GRK1: variants seen among roughly 807,000 people sequenced by gnomAD.
The protein encoded by GRK1 is G protein-coupled receptor kinase 1.
GRK1 carries 28 observed loss-of-function variants against 41.7 expected under a neutral mutation model. That is an observed-to-expected ratio of 0.67 (90% CI 0.50 to 0.92). The LOEUF (loss-of-function observed/expected upper bound fraction) is 0.92, where lower values mean the gene tolerates loss of function less well. Ranked by LOEUF, GRK1 falls within the 40% of genes least tolerant of loss-of-function variation. The probability of loss-of-function intolerance (pLI) is 0.00; values close to 1 mark genes in which losing one functional copy is unlikely to be tolerated. For synonymous variants in GRK1, 327 were observed against 286.7 expected (o/e 1.14, Z -1.42); for missense variants, 703 against 671.2 (o/e 1.05, Z -0.52).
upstream of GRK1, among the ~76,000 whole-genome samples, chr13:113,664,362 AGGATCTCTCTGGAT>A (rs1327380945): frequency 6.6e-6 from 1 of 152,224 alleles, no homozygotes; most frequent in Non-Finnish European, 1.5e-5. The surrounding 1 kb of genome is among the most constrained non-coding windows in gnomAD (Gnocchi z 5.4). Flanking sequence ...AAGGGTACAC[AGGATCTCTCTGGAT>A]TGTTTCTTAA....
Position 113,667,632 on chromosome 13 carries a change from C to A in GRK1, c.246C>A (p.His82Gln), listed in dbSNP as rs368926839. The change falls in exon 1 of 7, where the codon CAC (histidine) becomes CAA (glutamine). Residue 82 changes from histidine (H) to glutamine (Q), a missense_variant. Coordinates refer to ENST00000335678, the MANE Select transcript of GRK1 (RefSeq NM_002929.3). This position sits in a 1 kb window ranked among gnomAD's most constrained non-coding sequence, Gnocchi z 7.5. ...AGTTCCTACAATCGGCAGAGAAGCA[C>A]CTGCCGGCCCTGGAGCTCTGGAAAG... The part of the protein sequence containing the change: ...FQQFLQSAEK[H>Q]LPALELWKDI... 4 of 1,613,564 alleles carry A rather than the reference C, an allele frequency of 2.5e-6. No individual in the cohort carries two copies. The highest frequency in any genetic ancestry group is 3.4e-6 in the Non-Finnish European group (4 of 1,179,898).
the GRK1 span, among the ~76,000 whole-genome samples, chr13:113,657,871 G>C: frequency 2.0e-5 from 3 of 152,208 alleles, no homozygotes; most frequent in East Asian, 5.8e-4. Flanking sequence ...CTTTCCCTGG[G>C]AGGCAAGTGA....
At chr13:113,649,637 G>A in the GRK1 span, 10 of 1,342,612 alleles carry the variant, frequency 7.4e-6, no homozygotes, top group African/African-American at 1.5e-5. The surrounding 1 kb of genome is among the most constrained non-coding windows in gnomAD (Gnocchi z 4.7). Flanking sequence ...GTGCAGAGAA[G>A]CAGCTCTTTT....
intron 6 of GRK1, 66 bp downstream of exon 6, chr13:113,733,151 C>A: frequency 2.1e-6 from 3 of 1,451,276 alleles, no homozygotes; most frequent in Non-Finnish European, 2.7e-6. Flanking sequence ...TGGGTGTCCG[C>A]CCGGTCCAGC....
chr13:113,649,200 C>T, the GRK1 span: 101 of 597,858 alleles, frequency 1.7e-4, no homozygotes, highest in East Asian at 1.9e-3. The surrounding 1 kb of genome is among the most constrained non-coding windows in gnomAD (Gnocchi z 4.7). Flanking sequence ...CTGATACTCG[C>T]GAGCAGGTCC....
chr13:113,667,478 G>T lies in GRK1; in HGVS notation c.92G>T (p.Arg31Leu). 1 of 1,610,896 alleles carries T rather than the reference G, an allele frequency of 6.2e-7. No homozygotes were observed. Among genetic ancestry groups the T allele is most frequent in the Admixed American group, 1.7e-5 (1 of 59,690 alleles). Residue 31 changes from arginine to leucine, a missense_variant, in exon 1 of 7, where the codon CGG becomes CTG. Transcript: ENST00000335678. The surrounding 1 kb of genome is among the most constrained non-coding windows in gnomAD (Gnocchi z 7.5). ...SFDGSSSQPS[R>L]DKKYLAKLKL... ...GACGGCAGCAGCTCCCAACCCTCCC[G>T]GGACAAGAAGTACCTGGCCAAGCTC...
At position 113,737,157 on chromosome 13, in the gene GRK1, C is replaced by T. The variant is rs1594585209; in HGVS notation, c.*1794C>T. On this transcript the variant is annotated 3_prime_UTR_variant, in exon 7 of 7. Transcript: ENST00000335678. ...GCTGGCTGCAGCCAAAATGGGGACC[C>T]AACTCCCTCCTATGTGGTTTTAGAG... 1 of 152,752 alleles carries T rather than the reference C, an allele frequency of 6.5e-6. No individual in the cohort carries two copies. Among genetic ancestry groups the T allele is most frequent in the East Asian group, 1.9e-4 (1 of 5,194 alleles). 9.5% of individuals were successfully genotyped at this position (152,752 alleles called of 1,614,324 possible). A position where few individuals can be genotyped will look rare whatever the true frequency, so the allele number is the denominator to read the frequency against.
the GRK1 span, chr13:113,654,889 C>T: frequency 1.1e-5 from 18 of 1,614,202 alleles, no homozygotes; most frequent in East Asian, 4.5e-5. Context: ...AGGCACAGGG[C>T]GAAGAGCCCA....
chr13:113,735,023 TC>T (rs2049992154), intron 6 of GRK1, 44 bp from the exon 7 acceptor site: 1 of 1,448,524 alleles, frequency 6.9e-7, no homozygotes, highest in Admixed American at 2.5e-5. Context: ...GGCGCTTCCT[TC>T]CCACCACGAG....
At chr13:113,726,924 G>C (rs980246244) in intron 4 of GRK1, among the ~76,000 whole-genome samples, 1 of 152,212 alleles carries the variant, frequency 6.6e-6, no homozygotes, top group Non-Finnish European at 1.5e-5. Context: ...ACATCAGCCT[G>C]GCCCTCAGGC....
the GRK1 span, among the ~76,000 whole-genome samples, chr13:113,654,304 C>T: frequency 9.8e-5 from 15 of 152,306 alleles, no homozygotes; most frequent in East Asian, 2.3e-3. Context: ...CCGATGGGGA[C>T]GTCTGTCCTG....
At chr13:113,655,083 C>G in the GRK1 span, 2 of 1,177,252 alleles carry the variant, frequency 1.7e-6, no homozygotes, top group East Asian at 5.2e-5. Context: ...AAAACAGAAA[C>G]CCCGTCCCCA....
intron 4 of GRK1, among the ~76,000 whole-genome samples, chr13:113,728,339 GTGA>G (rs1198759558): frequency 1.6e-5 from 2 of 126,484 alleles, no homozygotes; most frequent in Non-Finnish European, 3.1e-5. Context: ...AGTACCCATG[GTGA>G]TGAGGAGTAC....
Position 113,731,259 on chromosome 13 carries a change from C to A in GRK1, c.1110C>A (p.Asp370Glu), listed in dbSNP as rs1449386461. ...APELLQGEEY[D>E]FSVDYFALGV... is the part of the protein sequence containing the mutation. ...AGCTCCTGCAGGGCGAGGAGTACGA[C>A]TTCTCCGTGGACTACTTTGCCCTGG... The change falls in exon 5 of 7, where the codon GAC becomes GAA. Residue 370 changes from aspartate (D) to glutamate (E), a missense_variant. By Grantham distance (45) the Asp-to-Glu change is conservative (BLOSUM62 2). Transcript: ENST00000335678. The surrounding 1 kb of genome is among the most constrained non-coding windows in gnomAD (Gnocchi z 5.6). 3.3e-6 allele frequency: 5 copies of A among 1,537,136 alleles called. No individual in the cohort carries two copies. The highest frequency in any genetic ancestry group is 4.4e-6 in the Non-Finnish European group (5 of 1,146,866).
rs1486128871 is a variant in GRK1, at chr13:113,667,559, T to C, written c.173T>C (p.Phe58Ser). 23 of 1,613,538 alleles carry C rather than the reference T, an allele frequency of 1.4e-5. No individual in the cohort carries two copies. The highest frequency in any genetic ancestry group is 1.9e-5 in the Non-Finnish European group (23 of 1,179,864). ...CTCCGCGACAGCCTCAGCCTGGAGTTTGAGAGTGTGTGCTTGGAGCAGCCC... is the reference window on the plus strand; with the variant it reads ...CTCCGCGACAGCCTCAGCCTGGAGTCTGAGAGTGTGTGCTTGGAGCAGCCC... ...ESLRDSLSLE[F>S]ESVCLEQPIG... The change falls in exon 1 of 7, where the codon TTT becomes TCT. Residue 58 changes from phenylalanine to serine, a missense_variant. By Grantham distance (155) the Phe-to-Ser change is radical. Coordinates refer to ENST00000335678, the MANE Select transcript of GRK1 (RefSeq NM_002929.3). This position sits in a 1 kb window ranked among gnomAD's most constrained non-coding sequence, Gnocchi z 7.5.
intron 4 of GRK1, among the ~76,000 whole-genome samples, chr13:113,723,824 CTG>C (rs200135919): frequency 0.012 from 1,830 of 150,734 alleles, 32 homozygotes; most frequent in African/African-American, 0.043. Flanking sequence ...GTGCCCATGC[CTG>C]TGTCTCTGTG....
the GRK1 span, among the ~76,000 whole-genome samples, chr13:113,649,811 C>A: frequency 2.0e-5 from 3 of 152,110 alleles, no homozygotes; most frequent in South Asian, 6.2e-4. This position sits in a 1 kb window ranked among gnomAD's most constrained non-coding sequence, Gnocchi z 4.7. Flanking sequence ...AGGAAAAGCA[C>A]GTGATGTGGA....
At chr13:113,733,905 G>A (rs1244451409) in intron 6 of GRK1, among the ~76,000 whole-genome samples, 152 of 91,524 alleles carry the variant, frequency 1.7e-3, no homozygotes, top group African/African-American at 7.6e-3. Flanking sequence ...GTGTATGTGT[G>A]CATACAGTGT....
the GRK1 span, chr13:113,653,244 T>G: frequency 6.8e-7 from 1 of 1,462,694 alleles, no homozygotes. Context: ...CACCCGCCGC[T>G]TCACACCTCA....
Sources: gnomAD v4.1 joint callset for allele counts (sites outside exome capture counted in the v4.1 genomes callset) on GRCh38, gnomAD v4.1.1 for gene constraint, Gnocchi (gnomAD v3.1) non-coding constraint, MANE v1.5 for transcripts, NCBI Gene and HGNC (gene_info 2026-07-23, HGNC 2026-07-21) for gene names.